The following SH3RF2 variants were observed in gnomAD, a reference collection of about 807,000 sequenced individuals.
The protein encoded by SH3RF2 is SH3 domain containing ring finger 2.
A neutral mutation model predicts 59.0 loss-of-function variants in SH3RF2; 43 were observed. That is an observed-to-expected ratio of 0.73 (90% CI 0.57 to 0.94). The LOEUF is 0.94. SH3RF2 is among the 40% of genes least tolerant of loss of function. The probability of loss-of-function intolerance (pLI) is 0.00; values close to 1 mark genes in which losing one functional copy is unlikely to be tolerated. For synonymous variants in SH3RF2, 391 were observed against 391.5 expected (o/e 1.00, Z 0.01); for missense variants, 930 against 940.1 (o/e 0.99, Z 0.14).
At chr5:146,056,569 G>A (rs192813975) in intron 8 of SH3RF2, among the ~76,000 whole-genome samples, 50 of 152,318 alleles carry the variant, frequency 3.3e-4, no homozygotes, top group African/African-American at 1.1e-3. Context: ...ATCCCTCAGC[G>A]GGTGCCACAG....
At chr5:146,073,125 C>A (rs915699248) in intron 9 of SH3RF2, among the ~76,000 whole-genome samples, 40 of 152,260 alleles carry the variant, frequency 2.6e-4, no homozygotes, top group African/African-American at 9.6e-4. Flanking sequence ...GACAAGAAAT[C>A]TCAGCTTCTT....
rs1376661366 is a variant in SH3RF2, at chr5:146,060,051, G to A, written c.1741G>A (p.Ala581Thr). ...CAAGCCTGCCCTCACGGGGGAGCCC[G>A]CCCTCACGTGCATCAGCAGGGGCAG... ...GSKPALTGEP[A>T]LTCISRGSEA... The change falls in exon 9 of 10, where the codon GCC (alanine) becomes ACC (threonine). Residue 581 changes from alanine (A) to threonine (T), a missense_variant. Physicochemically the swap from Ala to Thr is moderately conservative, Grantham distance 58. Coordinates refer to ENST00000359120, the MANE Select transcript of SH3RF2 (RefSeq NM_152550.4). 5 of 1,613,412 alleles carry A rather than the reference G, an allele frequency of 3.1e-6. No homozygotes were observed. The highest frequency in any genetic ancestry group is 2.7e-5 in the African/African-American group (2 of 74,986).
intron 7 of SH3RF2, 45 bp downstream of exon 7, chr5:146,049,290 A>C (rs1413225274): frequency 1.3e-6 from 2 of 1,557,628 alleles, no homozygotes; most frequent in Non-Finnish European, 1.7e-6. Flanking sequence ...GGGCCACCCT[A>C]GGCCAGGGGC....
chr5:145,959,647 GTA>G (rs758592105), intron 2 of SH3RF2, among the ~76,000 whole-genome samples: 80 of 146,444 alleles, frequency 5.5e-4, no homozygotes, highest in African/African-American at 2.0e-3. Flanking sequence ...GTGTGTGTGT[GTA>G]TGTGTGTGTG....
intron 1 of SH3RF2, 68 bp from the exon 2 acceptor site, chr5:145,937,755 A>G: frequency 1.4e-6 from 1 of 712,328 alleles, no homozygotes; most frequent in Non-Finnish European, 2.3e-6. Context: ...ACACTGCCTC[A>G]ATGTAGGTGG....
intron 1 of SH3RF2, 43 bp from the exon 2 acceptor site, chr5:145,937,780 A>T: frequency 2.3e-6 from 2 of 876,574 alleles, no homozygotes; most frequent in Admixed American, 2.3e-5. Flanking sequence ...TACCTCTCGG[A>T]GCAGTCACAT....
At chr5:145,965,089 A>T (rs1455624059) in intron 2 of SH3RF2, among the ~76,000 whole-genome samples, 1 of 152,100 alleles carries the variant, frequency 6.6e-6, no homozygotes, top group Non-Finnish European at 1.5e-5. Context: ...GCTACTCGGG[A>T]GGCTGAGGCA....
rs758584217 is a variant in SH3RF2, at chr5:146,013,818, C to A, written c.816C>A (p.Ser272=). 1.2e-6 allele frequency: 2 copies of A among 1,614,176 alleles called. No individual in the cohort carries two copies. The highest frequency in any genetic ancestry group is 1.7e-6 in the Non-Finnish European group (2 of 1,180,010). ...AGTCATCCCGCACAAAAAACCTGTC[C>A]CTGGTGTCCTCGTCCTCCAGAGGCA... is the stretch of plus-strand genomic sequence containing the variant. The part of the protein sequence containing the change: ...GRQSSRTKNL[S]LVSSSSRGNT... Residue 272 remains serine (S), a synonymous_variant, in exon 5 of 10, where the codon TCC becomes TCA. Transcript: ENST00000359120.
chr5:146,019,988 C>G (rs1158846248), intron 5 of SH3RF2, among the ~76,000 whole-genome samples: 1 of 152,078 alleles, frequency 6.6e-6, no homozygotes, highest in African/African-American at 2.4e-5. Context: ...TTCATTGATA[C>G]ATCTAGGAGT....
chr5:145,937,964 C>G lies in SH3RF2; in HGVS notation c.36C>G (p.Cys12Trp). The part of the protein sequence containing the change: ...DDLTLLDLLE[C>W]PVCFEKLDVT... ...TGACGTTACTTGATCTTCTGGAGTG[C>G]CCTGTGTGCTTTGAGAAGCTCGATG... Residue 12 changes from cysteine (C) to tryptophan (W), a missense_variant, in exon 2 of 10, where the codon TGC becomes TGG. Coordinates refer to ENST00000359120, the MANE Select transcript of SH3RF2 (RefSeq NM_152550.4). The G allele has an allele frequency of 6.2e-7, 1 of 1,614,100 alleles. No homozygotes were observed. Among genetic ancestry groups the G allele is most frequent in the South Asian group, 1.1e-5 (1 of 91,068 alleles).
chr5:145,963,977 C>T (rs141992211), intron 2 of SH3RF2, among the ~76,000 whole-genome samples: 3,594 of 151,920 alleles, frequency 0.024, 79 homozygotes, highest in South Asian at 0.069. Context: ...GGACTACAGG[C>T]GCCCGCCACC....
chr5:146,055,440 T>C (rs1048218313), intron 7 of SH3RF2, among the ~76,000 whole-genome samples: 5 of 152,348 alleles, frequency 3.3e-5, no homozygotes, highest in Non-Finnish European at 5.9e-5. Flanking sequence ...AAGCACTCTA[T>C]ATGTGTTAGC....
intron 8 of SH3RF2, among the ~76,000 whole-genome samples, chr5:146,057,174 G>A (rs558667032): frequency 1.3e-5 from 2 of 152,176 alleles, no homozygotes; most frequent in Non-Finnish European, 2.9e-5. Context: ...GAAGAGTAAC[G>A]TGTGGGACAA....
chr5:146,004,080 G>C lies in SH3RF2; in HGVS notation c.671G>C (p.Ser224Thr). 6.2e-7 allele frequency: 1 copy of C among 1,612,864 alleles called. No homozygotes were observed. The highest frequency in any genetic ancestry group is 1.1e-5 in the South Asian group (1 of 91,034). The change falls in exon 4 of 10, where the codon AGC becomes ACC. Residue 224 changes from serine to threonine, a missense_variant. By Grantham distance (58) the Ser-to-Thr change is moderately conservative. Coordinates refer to ENST00000359120, the MANE Select transcript of SH3RF2 (RefSeq NM_152550.4). ...FLKDDIITVISRVDENWAEGK... is the reference protein window; with the variant it reads ...FLKDDIITVITRVDENWAEGK... Reference sequence around the variant, plus strand: ...CAGGACGATATCATCACTGTGATCAGCCGAGTGGATGAGAACTGGGCAGAA... The same window carrying C: ...CAGGACGATATCATCACTGTGATCACCCGAGTGGATGAGAACTGGGCAGAA...
At chr5:146,035,741 A>G (rs919999864) in intron 5 of SH3RF2, among the ~76,000 whole-genome samples, 6 of 152,242 alleles carry the variant, frequency 3.9e-5, no homozygotes, top group African/African-American at 1.4e-4. Flanking sequence ...TAGGTCCTTC[A>G]GTCCATACGA....
intron 3 of SH3RF2, among the ~76,000 whole-genome samples, chr5:146,000,733 C>G (rs1467562051): frequency 6.6e-6 from 1 of 152,162 alleles, no homozygotes; most frequent in African/African-American, 2.4e-5. Flanking sequence ...CAATCACTGT[C>G]AACAGCTTGA....
intron 2 of SH3RF2, among the ~76,000 whole-genome samples, chr5:145,979,934 T>C (rs1432778): frequency 0.13 from 19,395 of 152,228 alleles, 1,388 homozygotes; most frequent in East Asian, 0.25. Flanking sequence ...TCCAAAGTGA[T>C]ACAGTAGCAA....
intron 5 of SH3RF2, among the ~76,000 whole-genome samples, chr5:146,016,642 G>T (rs562017897): frequency 1.8e-4 from 27 of 152,256 alleles, no homozygotes; most frequent in African/African-American, 5.3e-4. Context: ...ATTGAATTTA[G>T]AATTGTCTAA....
intron 5 of SH3RF2, among the ~76,000 whole-genome samples, chr5:146,025,268 A>G (rs1270090727): frequency 6.6e-6 from 1 of 152,224 alleles, no homozygotes; most frequent in African/African-American, 2.4e-5. Context: ...ACCTTCCCGC[A>G]TGGCATGTTT....
Sources: gnomAD v4.1 joint callset for allele counts (sites outside exome capture counted in the v4.1 genomes callset) on GRCh38, gnomAD v4.1.1 for gene constraint, MANE v1.5 for transcripts, NCBI Gene and HGNC (gene_info 2026-07-23, HGNC 2026-07-21) for gene names.